MACROD2: variants seen among roughly 807,000 people sequenced by gnomAD.
MACROD2 encodes ADP-ribose glycohydrolase MACROD2.
A neutral mutation model predicts 70.4 loss-of-function variants in MACROD2; 36 were observed. That is an observed-to-expected ratio of 0.51 (90% CI 0.39 to 0.68). The LOEUF (loss-of-function observed/expected upper bound fraction) is 0.68. MACROD2 is among the 30% of genes least tolerant of loss of function. The probability of loss-of-function intolerance (pLI) is 0.00; values close to 1 mark genes in which losing one functional copy is unlikely to be tolerated. For missense variants in MACROD2, 496 were observed against 538.4 expected (o/e 0.92, Z 0.78); for synonymous variants, 172 against 178.8 (o/e 0.96, Z 0.30).
intron 12 of MACROD2, among the ~76,000 whole-genome samples, chr20:15,940,386 G>A (rs1019096594): frequency 3.3e-5 from 5 of 152,090 alleles, no homozygotes; most frequent in Non-Finnish European, 4.4e-5. Flanking sequence ...AAGCACCACT[G>A]CGCCTGGCCT....
intron 3 of MACROD2, among the ~76,000 whole-genome samples, chr20:14,118,285 A>G (rs2054539669): frequency 6.6e-6 from 1 of 152,202 alleles, no homozygotes; most frequent in South Asian, 2.1e-4. Context: ...GTATTTCTTC[A>G]AAGTTTAGAA....
intron 3 of MACROD2, among the ~76,000 whole-genome samples, chr20:14,235,591 A>G (rs2081861979): frequency 6.6e-6 from 1 of 152,208 alleles, no homozygotes; most frequent in Non-Finnish European, 1.5e-5. Flanking sequence ...CTGTAGAGGA[A>G]CAACCAACTA....
In MACROD2 at chr20:14,410,703, G is replaced by A. The variant is rs575118205; in HGVS notation, c.272-82776G>A. 2.0e-5 allele frequency among the ~76,000 whole-genome samples: 3 copies of A among 152,298 alleles called. No homozygotes were observed. The South Asian group carries it at 6.2e-4, about 32-fold the overall frequency. ...GGGATAAATATGCAGTATAGGGTAT[G>A]CTGTAGGTTCCTTAGCAGGATTGAG... On this transcript the variant is annotated intron_variant, in intron 3 of 17. Coordinates refer to ENST00000684519, the MANE Select transcript of MACROD2 (RefSeq NM_001351661.2).
chr20:14,338,111 A>G (rs1355588515), intron 3 of MACROD2, among the ~76,000 whole-genome samples: 1 of 152,202 alleles, frequency 6.6e-6, no homozygotes, highest in Non-Finnish European at 1.5e-5. Flanking sequence ...ATTCAAATAT[A>G]TACATCAGGG....
intron 8 of MACROD2, among the ~76,000 whole-genome samples, chr20:15,533,544 GCTCTCTCTCTCT>G (rs3071260): frequency 0.089 from 12,505 of 141,130 alleles, 544 homozygotes; most frequent in South Asian, 0.15. Context: ...TGTCTCTGTC[GCTCTCTCTCTCT>G]CTCTCTCTCT....
At chr20:15,611,813 C>G (rs2048974004) in intron 8 of MACROD2, among the ~76,000 whole-genome samples, 1 of 149,416 alleles carries the variant, frequency 6.7e-6, no homozygotes, top group South Asian at 2.2e-4. Flanking sequence ...TAAGCCATTA[C>G]TAGATGATGT....
chr20:14,458,275 A>G (rs562837627), intron 3 of MACROD2, among the ~76,000 whole-genome samples: 1 of 152,194 alleles, frequency 6.6e-6, no homozygotes, highest in East Asian at 1.9e-4. Flanking sequence ...ATATTTTATG[A>G]TTGTGGCATA....
In MACROD2 at chr20:15,357,675, A is replaced by T. The variant is rs1258906394; in HGVS notation, c.541-73730A>T. Among the ~76,000 whole-genome samples the T allele has an allele frequency of 3.9e-5, 6 of 152,302 alleles. No individual in the cohort carries two copies. In the South Asian group the frequency reaches 1.0e-3, roughly 26 times the overall value. ...ATCCACGTTTCTTAGAATGTAATAC[A>T]TACAACACTTGGATAAACATAGCAG... On this transcript the variant is annotated intron_variant, in intron 6 of 17. Coordinates refer to ENST00000684519, the MANE Select transcript of MACROD2 (RefSeq NM_001351661.2).
chr20:14,532,716 T>A (rs1205313715), intron 4 of MACROD2, among the ~76,000 whole-genome samples: 7 of 152,202 alleles, frequency 4.6e-5, no homozygotes, highest in Admixed American at 3.9e-4. Flanking sequence ...AAATATACGC[T>A]ACTGGCAGTT....
intron 15 of MACROD2, among the ~76,000 whole-genome samples, chr20:16,030,263 G>A (rs1174878354): frequency 2.0e-5 from 3 of 152,184 alleles, no homozygotes; most frequent in African/African-American, 7.2e-5. Flanking sequence ...GCTGGGCGTG[G>A]GATATGCTAT....
chr20:14,601,531 AT>A (rs146459648), intron 4 of MACROD2, among the ~76,000 whole-genome samples: 3,673 of 149,850 alleles, frequency 0.025, 103 homozygotes, highest in African/African-American at 0.063. Flanking sequence ...CCAAAACAGT[AT>A]TTTTTTTTTA....
chr20:15,467,230 G>C (rs1425839413), intron 7 of MACROD2, among the ~76,000 whole-genome samples: 1 of 152,232 alleles, frequency 6.6e-6, no homozygotes, highest in Non-Finnish European at 1.5e-5. Context: ...CATCTCCTTT[G>C]CTCCTCAGAC....
intron 3 of MACROD2, chr20:14,329,410 G>A (rs770806451): frequency 1.1e-4 from 16 of 152,174 alleles, no homozygotes; most frequent in African/African-American, 3.9e-4. Context: ...TAATTTCAAT[G>A]TCTTAAAATA....
chr20:14,908,161 C>A (rs978842876), intron 5 of MACROD2, among the ~76,000 whole-genome samples: 2 of 150,830 alleles, frequency 1.3e-5, no homozygotes, highest in African/African-American at 4.9e-5. Flanking sequence ...CTGGCCAACA[C>A]GGTGAAATCT....
At chr20:14,533,768 G>T (rs1331690190) in intron 4 of MACROD2, among the ~76,000 whole-genome samples, 1 of 151,980 alleles carries the variant, frequency 6.6e-6, no homozygotes, top group Non-Finnish European at 1.5e-5. Flanking sequence ...TATTTTCATT[G>T]GAATCACTAG....
chr20:15,596,639 C>T (rs1957220219), intron 8 of MACROD2, among the ~76,000 whole-genome samples: 1 of 152,188 alleles, frequency 6.6e-6, no homozygotes, highest in African/African-American at 2.4e-5. Context: ...CCTTCAGGCC[C>T]TTGCAGTGAT....
chr20:16,044,801 G>A (rs1011572073), intron 17 of MACROD2, among the ~76,000 whole-genome samples, 162 bp downstream of exon 17: 65 of 152,044 alleles, frequency 4.3e-4, no homozygotes, highest in African/African-American at 1.4e-3. Context: ...AAGGGGAAAC[G>A]ATCACCCCTA....
chr20:15,518,006 A>T lies in MACROD2; in HGVS notation c.645+18159A>T, dbSNP rs2047594539. Among the ~76,000 whole-genome samples the T allele has an allele frequency of 2.6e-5, 4 of 152,246 alleles. No homozygotes were observed. The South Asian group carries it at 8.3e-4, about 31-fold the overall frequency. ...CAGACCATCAAAAGTCTGGAAATGAATAGAGCTGGCAACAGACATTCTTTT... is the reference window on the plus strand; with the variant it reads ...CAGACCATCAAAAGTCTGGAAATGATTAGAGCTGGCAACAGACATTCTTTT... On this transcript the variant is annotated intron_variant, in intron 8 of 17. Coordinates refer to ENST00000684519, the MANE Select transcript of MACROD2 (RefSeq NM_001351661.2).
chr20:15,787,261 A>G (rs1432788141), intron 8 of MACROD2, among the ~76,000 whole-genome samples: 1 of 151,928 alleles, frequency 6.6e-6, no homozygotes, highest in Non-Finnish European at 1.5e-5. Flanking sequence ...CCGAAGAAAC[A>G]TTTTCTACTG....
Sources: allele counts gnomAD v4.1 joint callset (sites outside exome capture counted in the v4.1 genomes callset), GRCh38; gene constraint gnomAD v4.1.1; transcripts MANE v1.5; gene names NCBI Gene and HGNC (gene_info 2026-07-23, HGNC 2026-07-21).